The following RNF19A variants were observed in gnomAD, a reference collection of about 807,000 sequenced individuals.
RNF19A encodes the protein E3 ubiquitin-protein ligase RNF19A.
Under a neutral mutation model 75.7 loss-of-function variants are expected in RNF19A, and 32 were observed. That is an observed-to-expected ratio of 0.42 (90% CI 0.32 to 0.57). RNF19A has a LOEUF of 0.57. Ranked by LOEUF, RNF19A falls within the 20% of genes least tolerant of loss-of-function variation. RNF19A has a pLI of 0.10. For synonymous variants in RNF19A, 335 were observed against 345.2 expected, an observed-to-expected ratio of 0.97 and a Z score of 0.33; for missense variants, 782 against 1,036.3, an observed-to-expected ratio of 0.75 and a Z score of 3.37.
chr8:100,332,263 G>A lies in RNF19A; in HGVS notation c.-243+3845C>T, dbSNP rs1822621551. Among the ~76,000 whole-genome samples, 1 of 152,278 alleles carries A rather than the reference G, an allele frequency of 6.6e-6. No homozygotes were observed. Among genetic ancestry groups the A allele is most frequent in the East Asian group, 1.9e-4 (1 of 5,184 alleles). ...CCAAGTGTCGAGGGAGGGATGTGGTGGGAAGTGATTGGGTCATGGTGGTAA... is the reference window on the plus strand; with the variant it reads ...CCAAGTGTCGAGGGAGGGATGTGGTAGGAAGTGATTGGGTCATGGTGGTAA... On this transcript the variant is annotated intron_variant, in intron 1 of 3. Transcript: ENST00000519527. This position sits in a 1 kb window ranked among gnomAD's most constrained non-coding sequence, Gnocchi z 4.8.
upstream of RNF19A, among the ~76,000 whole-genome samples, chr8:100,311,440 C>T (rs138112004): frequency 1.3e-3 from 198 of 152,144 alleles, 1 homozygote; most frequent in Non-Finnish European, 2.1e-3. Context: ...ATATGTTGGC[C>T]GGAATTGGTG....
chr8:100,334,044 T>C (rs528599896), intron 1 of RNF19A, among the ~76,000 whole-genome samples: 13 of 152,214 alleles, frequency 8.5e-5, no homozygotes, highest in Non-Finnish European at 1.9e-4. Flanking sequence ...GCCTACACCA[T>C]GCCTTTTCTT....
chr8:100,282,655 G>T (rs1428898017), intron 2 of RNF19A, among the ~76,000 whole-genome samples: 1 of 151,924 alleles, frequency 6.6e-6, no homozygotes, highest in Non-Finnish European at 1.5e-5. Context: ...GTTTTCTCTG[G>T]ATAAAATCAA....
chr8:100,275,248 G>GA lies in RNF19A; in HGVS notation c.675-88dup. On this transcript the variant is annotated intron_variant, in intron 2 of 9. Transcript: ENST00000341084. The surrounding 1 kb of genome is among the most constrained non-coding windows in gnomAD (Gnocchi z 4.3). ...AAGTATCCAACTAAAGATTATTCCT[G>GA]AAAAACATTTTCTATTTATACATTA... is the stretch of plus-strand genomic sequence containing the variant. The GA allele has an allele frequency of 8.7e-7, 1 of 1,145,518 alleles. No individual in the cohort carries two copies. Among genetic ancestry groups the GA allele is most frequent in the Non-Finnish European group, 1.3e-6 (1 of 788,412 alleles). The allele number at this position is 1,145,518 out of a possible 1,614,324, so 71.0% of individuals were successfully genotyped here. A position where few individuals can be genotyped will look rare whatever the true frequency, so the allele number is the denominator to read the frequency against.
Position 100,322,651 on chromosome 8 carries a change from C to G in RNF19A, c.-242-9279G>C, listed in dbSNP as rs1217066837. ...CAGCCTATCTCAGCTTTTGGCCTGC[C>G]TTCCTCATTAAGCTTAATCATTTCT... On this transcript the variant is annotated intron_variant, in intron 1 of 3. Transcript: ENST00000519527. This position sits in a 1 kb window ranked among gnomAD's most constrained non-coding sequence, Gnocchi z 5.1. Among the ~76,000 whole-genome samples, 2 of 152,230 alleles carry G rather than the reference C, an allele frequency of 1.3e-5. No individual in the cohort carries two copies. The highest frequency in any genetic ancestry group is 1.3e-4 in the Admixed American group (2 of 15,282).
chr8:100,294,539 C>T (rs1821458360), intron 1 of RNF19A, among the ~76,000 whole-genome samples: 1 of 152,070 alleles, frequency 6.6e-6, no homozygotes, highest in Admixed American at 6.6e-5. Context: ...TACCATAACT[C>T]CCTCCTTTCT....
intron 1 of RNF19A, among the ~76,000 whole-genome samples, chr8:100,334,307 C>T (rs1385913297): frequency 6.6e-6 from 1 of 152,238 alleles, no homozygotes; most frequent in African/African-American, 2.4e-5. Context: ...CAGTATTAAT[C>T]ATTATCTTCT....
At position 100,299,596 on chromosome 8, in the gene RNF19A, C is replaced by T. The variant is rs145204710; in HGVS notation, c.-94+10271G>A. Among the ~76,000 whole-genome samples, 403 of 152,198 alleles carry T rather than the reference C, an allele frequency of 2.6e-3. 1 individual carries two copies. The highest frequency in any genetic ancestry group is 9.2e-3 in the African/African-American group (381 of 41,526). On this transcript the variant is annotated intron_variant, in intron 1 of 9. Transcript: ENST00000341084. Reference sequence around the variant, plus strand: ...CCAACATGGTGAAACACTGTCTCTACTAGAAATACAAAATTAGCTGGGTGT... The same window carrying T: ...CCAACATGGTGAAACACTGTCTCTATTAGAAATACAAAATTAGCTGGGTGT...
chr8:100,307,027 T>C (rs1330393640), intron 1 of RNF19A, among the ~76,000 whole-genome samples: 1 of 152,230 alleles, frequency 6.6e-6, no homozygotes, highest in African/African-American at 2.4e-5. Context: ...TGTGCTAGTT[T>C]GCCAAATACA....
At chr8:100,276,801 C>T (rs1820542466) in intron 2 of RNF19A, among the ~76,000 whole-genome samples, 1 of 150,002 alleles carries the variant, frequency 6.7e-6, no homozygotes, top group African/African-American at 2.5e-5. Flanking sequence ...AGTATCTTGA[C>T]TGTGGTGGTG....
rs547902345 is a variant in RNF19A, at chr8:100,329,927, T to C, written c.-243+6181A>G. Among the ~76,000 whole-genome samples, 2 of 152,374 alleles carry C rather than the reference T, an allele frequency of 1.3e-5. No individual in the cohort carries two copies. The highest frequency in any genetic ancestry group is 3.9e-4 in the East Asian group (2 of 5,190). On this transcript the variant is annotated intron_variant, in intron 1 of 3. Transcript: ENST00000519527. The surrounding 1 kb of genome is among the most constrained non-coding windows in gnomAD (Gnocchi z 4.3). ...TTGCACAAATGAAAAATTTAAATAC[T>C]TTCCAAAATCATGAACTATCTATTA...
At chr8:100,309,655 C>G (rs749656502) in intron 1 of RNF19A, 1 of 924,740 alleles carries the variant, frequency 1.1e-6, no homozygotes, top group Non-Finnish European at 1.3e-6. Flanking sequence ...GGACCCGGAG[C>G]TGACCGAGGC....
In RNF19A at chr8:100,317,798, A is replaced by C. The variant is rs1822405595; in HGVS notation, c.-242-4426T>G. ...ATGAGCAATGACTTAGAGTGACCAT[A>C]TGTGGCAGCTTGCTCAGGACACTCA... On this transcript the variant is annotated intron_variant, in intron 1 of 3. Coordinates refer to the RNF19A transcript ENST00000519527. The surrounding 1 kb of genome is among the most constrained non-coding windows in gnomAD (Gnocchi z 4.3). Among the ~76,000 whole-genome samples, 1 of 152,232 alleles carries C rather than the reference A, an allele frequency of 6.6e-6. No homozygotes were observed. The highest frequency in any genetic ancestry group is 2.4e-5 in the African/African-American group (1 of 41,450).
At chr8:100,302,569 G>A (rs1022746417) in intron 1 of RNF19A, among the ~76,000 whole-genome samples, 1 of 152,234 alleles carries the variant, frequency 6.6e-6, no homozygotes, top group Non-Finnish European at 1.5e-5. Flanking sequence ...AAAGCCTAGA[G>A]ATGTAAATTT....
intron 1 of RNF19A, among the ~76,000 whole-genome samples, chr8:100,302,744 T>A (rs1821891976): frequency 6.6e-6 from 1 of 152,028 alleles, no homozygotes; most frequent in Admixed American, 6.5e-5. Flanking sequence ...GGAAGGGGGA[T>A]CATGGAGGAA....
intron 1 of RNF19A, among the ~76,000 whole-genome samples, chr8:100,321,482 T>C (rs1404872785): frequency 6.6e-6 from 1 of 152,250 alleles, no homozygotes; most frequent in Non-Finnish European, 1.5e-5. Flanking sequence ...TTCTACCACA[T>C]CTGTGGTTCC....
Position 100,331,922 on chromosome 8 carries a change from C to T in RNF19A, c.-243+4186G>A, listed in dbSNP as rs1822618114. On this transcript the variant is annotated intron_variant, in intron 1 of 3. Transcript: ENST00000519527. The surrounding 1 kb of genome is among the most constrained non-coding windows in gnomAD (Gnocchi z 5.2). ...TCTTGGAGAATTACTATTAATATATCAGTACCTACAAACTCACACAGTTCT... is the reference window on the plus strand; with the variant it reads ...TCTTGGAGAATTACTATTAATATATTAGTACCTACAAACTCACACAGTTCT... Among the ~76,000 whole-genome samples the T allele has an allele frequency of 6.6e-6, 1 of 152,154 alleles. No individual in the cohort carries two copies. Among genetic ancestry groups the T allele is most frequent in the Admixed American group, 6.5e-5 (1 of 15,276 alleles).
chr8:100,319,463 C>T lies in RNF19A; in HGVS notation c.-242-6091G>A, dbSNP rs148964920. Reference sequence around the variant, plus strand: ...AGTTGAGGCCTACTTTGCACCTTCCCCTAGTGCACCATTCCTTTCTTCCCT... The same window carrying T: ...AGTTGAGGCCTACTTTGCACCTTCCTCTAGTGCACCATTCCTTTCTTCCCT... On this transcript the variant is annotated intron_variant, in intron 1 of 3. Coordinates refer to the RNF19A transcript ENST00000519527. 1.3e-4 allele frequency among the ~76,000 whole-genome samples: 19 copies of T among 151,972 alleles called. 1 individual carries two copies. Among genetic ancestry groups the T allele is most frequent in the Admixed American group, 1.2e-3 (19 of 15,268 alleles).
At chr8:100,309,994 G>C (rs904413934), upstream of RNF19A, 36 of 985,616 alleles carry the variant, frequency 3.7e-5, no homozygotes, top group Non-Finnish European at 4.0e-5. Context: ...CCTCTCAACC[G>C]GGGCGGAGAC....
Sources: gnomAD v4.1 joint callset for allele counts (sites outside exome capture counted in the v4.1 genomes callset) on GRCh38, gnomAD v4.1.1 for gene constraint, Gnocchi (gnomAD v3.1) non-coding constraint, MANE v1.5 for transcripts, NCBI Gene and HGNC (gene_info 2026-07-23, HGNC 2026-07-21) for gene names.